Variants in FNIP2 observed in about 807,000 individuals in gnomAD.
FNIP2 encodes folliculin-interacting protein 2.
FNIP2 carries 32 observed loss-of-function variants against 108.7 expected under a neutral mutation model. The ratio of observed to expected loss-of-function variants is 0.29; its 90% confidence interval spans 0.22 to 0.40. The LOEUF is 0.40. Ranked by LOEUF, FNIP2 falls within the 10% of genes least tolerant of loss-of-function variation. FNIP2 has a pLI of 1.00. For missense variants in FNIP2, 1,202 were observed against 1,381.6 expected, an observed-to-expected ratio of 0.87 and a Z score of 2.06; for synonymous variants, 480 against 496.7, an observed-to-expected ratio of 0.97 and a Z score of 0.45.
At chr4:158,805,490 G>C (rs541580637) in intron 1 of FNIP2, among the ~76,000 whole-genome samples, 38 of 152,278 alleles carry the variant, frequency 2.5e-4, no homozygotes, top group African/African-American at 9.1e-4. Flanking sequence ...TAGGAATTCA[G>C]TGCAAGAGTT....
intron 12 of FNIP2, among the ~76,000 whole-genome samples, chr4:158,863,008 A>T (rs899687442): frequency 9.2e-5 from 14 of 152,228 alleles, no homozygotes; most frequent in Admixed American, 1.3e-4. Context: ...TATGTTCAGC[A>T]TAATAACGAA....
intron 14 of FNIP2, chr4:158,871,494 G>A (rs922019294): frequency 5.6e-5 from 55 of 985,178 alleles, no homozygotes; most frequent in Non-Finnish European, 5.8e-5. Context: ...TCAGGCACAG[G>A]CTAAACAGGC....
intron 1 of FNIP2, among the ~76,000 whole-genome samples, chr4:158,821,951 A>G (rs906990096): frequency 2.6e-5 from 4 of 152,110 alleles, no homozygotes; most frequent in Non-Finnish European, 4.4e-5. Context: ...TTAACCAGGC[A>G]TGGTGGCACA....
At chr4:158,872,017 T>G (rs1020358012) in intron 14 of FNIP2, 3 of 985,030 alleles carry the variant, frequency 3.0e-6, no homozygotes, top group Non-Finnish European at 3.6e-6. Flanking sequence ...TTTTTTTTTC[T>G]GCTCTGCTAT....
chr4:158,882,906 C>G (rs1211522565), intron 14 of FNIP2, among the ~76,000 whole-genome samples: 1 of 152,058 alleles, frequency 6.6e-6, no homozygotes, highest in Non-Finnish European at 1.5e-5. Flanking sequence ...GACCTTTGTT[C>G]ACTTGTTTAT....
chr4:158,769,952 G>C (rs1260881587), intron 1 of FNIP2, among the ~76,000 whole-genome samples: 3 of 152,164 alleles, frequency 2.0e-5, no homozygotes, highest in African/African-American at 7.2e-5. Context: ...TAATAGATTT[G>C]ATCTCTCGAA....
intron 7 of FNIP2, 57 bp downstream of exon 7, chr4:158,835,533 G>A: frequency 6.6e-7 from 1 of 1,512,688 alleles, no homozygotes; most frequent in African/African-American, 1.4e-5. Flanking sequence ...ACAGTGGTGT[G>A]GAAGGTGGGA....
intron 1 of FNIP2, among the ~76,000 whole-genome samples, chr4:158,771,950 A>G (rs960844608): frequency 6.6e-6 from 1 of 152,180 alleles, no homozygotes. Context: ...TAGAGAGGAA[A>G]TCTGTTGTCC....
chr4:158,841,590 T>C (rs1779135460), intron 7 of FNIP2, among the ~76,000 whole-genome samples: 1 of 152,216 alleles, frequency 6.6e-6, no homozygotes, highest in South Asian at 2.1e-4. Flanking sequence ...TGACACCCCA[T>C]TGACCTTGCA....
chr4:158,835,426 T>C lies in FNIP2; in HGVS notation c.677T>C (p.Met226Thr). The stretch of plus-strand genomic sequence containing the variant: ...TTAGCACACAGCACACCAGTTGATA[T>C]GCCAAGCAGAGGACAGAATGAAGAC... ...SNLAHSTPVD[M>T]PSRGQNEDRD... is the part of the protein sequence containing the mutation. Residue 226 changes from methionine to threonine, a missense_variant, in exon 7 of 17, where the codon ATG (methionine) becomes ACG (threonine). By Grantham distance (81) the Met-to-Thr change is moderately conservative (BLOSUM62 -1). Transcript: ENST00000264433. 6.2e-7 allele frequency: 1 copy of C among 1,612,584 alleles called. No individual in the cohort carries two copies. Among genetic ancestry groups the C allele is most frequent in the Non-Finnish European group, 8.5e-7 (1 of 1,179,102 alleles).
chr4:158,785,378 C>T (rs1230291860), intron 1 of FNIP2, among the ~76,000 whole-genome samples: 1 of 152,140 alleles, frequency 6.6e-6, no homozygotes, highest in Non-Finnish European at 1.5e-5. Context: ...GCCACCGCGC[C>T]TGGCCCCTCT....
intron 1 of FNIP2, among the ~76,000 whole-genome samples, chr4:158,791,266 CTTTTTT>C (rs199714823): frequency 2.0e-5 from 2 of 98,048 alleles, no homozygotes; most frequent in African/African-American, 8.0e-5. Context: ...ACTGAGGATC[CTTTTTT>C]TTTTTTTTTT....
chr4:158,809,420 C>T (rs550564919), intron 1 of FNIP2, among the ~76,000 whole-genome samples: 9 of 152,334 alleles, frequency 5.9e-5, no homozygotes, highest in African/African-American at 2.2e-4. Flanking sequence ...GATCGTGCCA[C>T]TGCACCCCAG....
intron 14 of FNIP2, among the ~76,000 whole-genome samples, chr4:158,876,939 T>A (rs1345775555): frequency 6.6e-6 from 1 of 152,246 alleles, no homozygotes; most frequent in Non-Finnish European, 1.5e-5. Context: ...TCTCTTGGGC[T>A]TCATGTCTCT....
intron 1 of FNIP2, among the ~76,000 whole-genome samples, chr4:158,782,434 C>G (rs942968828): frequency 6.6e-6 from 1 of 152,176 alleles, no homozygotes; most frequent in African/African-American, 2.4e-5. Context: ...AGCTTTCCCT[C>G]CAGCCTATGG....
At chr4:158,889,928 C>G (rs1782200552) in intron 14 of FNIP2, 1 of 984,992 alleles carries the variant, frequency 1.0e-6, no homozygotes, top group African/African-American at 1.7e-5. Context: ...TCACTGAAGC[C>G]TTGTATCTTT....
chr4:158,801,407 AT>A (rs1335979627), intron 1 of FNIP2, among the ~76,000 whole-genome samples: 1 of 152,238 alleles, frequency 6.6e-6, no homozygotes, highest in East Asian at 1.9e-4. Context: ...AATTTGACTT[AT>A]CAGTCAGTGA....
intron 15 of FNIP2, chr4:158,893,504 A>ATATT: frequency 3.7e-6 from 2 of 543,642 alleles, no homozygotes; most frequent in Non-Finnish European, 6.7e-6. Flanking sequence ...TCATGAAACA[A>ATATT]TATTAATGGT....
rs139800884 is a variant in FNIP2 at position 158,883,587 on chromosome 4, T to C, written c.2950-7859T>C. 1.4e-3 allele frequency among the ~76,000 whole-genome samples: 209 copies of C among 152,326 alleles called. 2 individuals are homozygous for C. The highest frequency in any genetic ancestry group is 4.8e-3 in the African/African-American group (200 of 41,570). On this transcript the variant is annotated intron_variant, in intron 14 of 16. Transcript: ENST00000264433. ...CTTCCCAGTGGCTTATCCCTGATAG[T>C]TAAACCCACACTGTTATAACTATTG...
Sources: allele counts gnomAD v4.1 joint callset (sites outside exome capture counted in the v4.1 genomes callset), GRCh38; gene constraint gnomAD v4.1.1; transcripts MANE v1.5; gene names NCBI Gene and HGNC (gene_info 2026-07-23, HGNC 2026-07-21).